GRIK4: variants seen among roughly 807,000 people sequenced by gnomAD.
The protein encoded by GRIK4 is glutamate ionotropic receptor kainate type subunit 4, also known as glutamate receptor ionotropic, kainate 4.
In GRIK4, 40 loss-of-function variants were observed where a neutral mutation model predicts 104.9. The ratio of observed to expected loss-of-function variants is 0.38; its 90% confidence interval spans 0.30 to 0.50. The LOEUF is 0.50. Among genes scored for constraint, GRIK4 ranks in the 20% least tolerant of loss-of-function variants. The pLI, the probability that GRIK4 is intolerant of heterozygous loss-of-function variation, is 0.93. For missense variants in GRIK4, 1,047 were observed against 1,308.1 expected, an observed-to-expected ratio of 0.80 and a Z score of 3.08; for synonymous variants, 485 against 524.9, an observed-to-expected ratio of 0.92 and a Z score of 1.04.
intron 13 of GRIK4, among the ~76,000 whole-genome samples, chr11:120,915,589 T>C (rs1943089403): frequency 6.6e-6 from 1 of 152,098 alleles, no homozygotes; most frequent in Non-Finnish European, 1.5e-5. Context: ...CTACCTGCGC[T>C]CGGTGGAGGG....
At chr11:120,667,690 A>AT (rs757739085) in intron 3 of GRIK4, among the ~76,000 whole-genome samples, 1 of 152,148 alleles carries the variant, frequency 6.6e-6, no homozygotes, top group Non-Finnish European at 1.5e-5. Flanking sequence ...TTGAGCTGAG[A>AT]TATGGTACCT....
At chr11:120,703,369 G>C (rs1392690430) in intron 3 of GRIK4, among the ~76,000 whole-genome samples, 2 of 152,086 alleles carry the variant, frequency 1.3e-5, no homozygotes. Flanking sequence ...AAGGGGGCTG[G>C]ATTGGCTTGA....
intron 3 of GRIK4, among the ~76,000 whole-genome samples, chr11:120,763,195 T>C (rs890669278): frequency 6.6e-6 from 1 of 152,184 alleles, no homozygotes; most frequent in Non-Finnish European, 1.5e-5. Context: ...GTCCAGGAAT[T>C]TATCCATTTT....
At chr11:120,829,876 G>A (rs1953375173) in intron 6 of GRIK4, among the ~76,000 whole-genome samples, 1 of 152,208 alleles carries the variant, frequency 6.6e-6, no homozygotes, top group Non-Finnish European at 1.5e-5. Flanking sequence ...CTGTTGTGGG[G>A]GCCAGTGGTG....
intron 9 of GRIK4, 27 bp from the exon 10 acceptor site, chr11:120,874,039 C>G: frequency 6.3e-7 from 1 of 1,588,414 alleles, no homozygotes; most frequent in Non-Finnish European, 8.6e-7. Context: ...CACTCCCTCC[C>G]TCCGCCTGCT....
At chr11:120,771,266 A>G (rs899097481) in intron 3 of GRIK4, among the ~76,000 whole-genome samples, 10 of 152,224 alleles carry the variant, frequency 6.6e-5, no homozygotes, top group South Asian at 6.2e-4. Context: ...GGCCATCCCA[A>G]TGAAATTTCA....
At chr11:120,797,926 T>G (rs1952550697) in intron 3 of GRIK4, among the ~76,000 whole-genome samples, 3 of 152,190 alleles carry the variant, frequency 2.0e-5, no homozygotes. Context: ...CTCTGTGAGC[T>G]GACTGTATGC....
intron 3 of GRIK4, among the ~76,000 whole-genome samples, chr11:120,747,765 T>C (rs1362200291): frequency 6.6e-6 from 1 of 152,262 alleles, no homozygotes; most frequent in African/African-American, 2.4e-5. Context: ...TGTCAAATAA[T>C]TTTAATCAGA....
intron 6 of GRIK4, among the ~76,000 whole-genome samples, chr11:120,822,789 G>A (rs1953160563): frequency 6.6e-6 from 1 of 152,190 alleles, no homozygotes; most frequent in African/African-American, 2.4e-5. Flanking sequence ...TTTCCTCCTA[G>A]TGGAGGAAGT....
intron 1 of GRIK4, among the ~76,000 whole-genome samples, chr11:120,518,428 GA>G (rs1947756473): frequency 6.6e-6 from 1 of 152,156 alleles, no homozygotes; most frequent in African/African-American, 2.4e-5. Flanking sequence ...AAAGGATGGG[GA>G]TTTGGGAGGC....
intron 8 of GRIK4, 59 bp from the exon 9 acceptor site, chr11:120,861,900 C>T (rs1427015199): frequency 1.5e-6 from 2 of 1,308,212 alleles, no homozygotes; most frequent in Non-Finnish European, 2.2e-6. Context: ...TACCAAAGTC[C>T]ATCCCTCACT....
chr11:120,786,552 C>T (rs564325924), intron 3 of GRIK4, among the ~76,000 whole-genome samples: 20 of 152,198 alleles, frequency 1.3e-4, no homozygotes, highest in Non-Finnish European at 2.4e-4. Context: ...CTGATCACCT[C>T]CTACTCTTAG....
At chr11:120,972,724 T>A (rs1289614056) in intron 19 of GRIK4, among the ~76,000 whole-genome samples, 1 of 152,124 alleles carries the variant, frequency 6.6e-6, no homozygotes, top group Non-Finnish European at 1.5e-5. Context: ...AGATTTTTAC[T>A]TGTGCAGGGG....
chr11:120,573,510 C>T (rs1259461506), intron 1 of GRIK4, among the ~76,000 whole-genome samples: 1 of 152,162 alleles, frequency 6.6e-6, no homozygotes, highest in Non-Finnish European at 1.5e-5. Flanking sequence ...GTCCTTAGCT[C>T]TAGCTTGTGG....
chr11:120,808,595 C>T (rs1565364924), intron 4 of GRIK4, among the ~76,000 whole-genome samples: 1 of 152,218 alleles, frequency 6.6e-6, no homozygotes, highest in African/African-American at 2.4e-5. Context: ...CCCTCACACA[C>T]TTTCTTCCTT....
intron 1 of GRIK4, among the ~76,000 whole-genome samples, chr11:120,596,658 G>A (rs1474543265): frequency 6.6e-6 from 1 of 152,072 alleles, no homozygotes; most frequent in Non-Finnish European, 1.5e-5. Flanking sequence ...CACTGGAGAA[G>A]TAAGGGAGAG....
intron 3 of GRIK4, among the ~76,000 whole-genome samples, chr11:120,677,106 C>T (rs1950109940): frequency 6.6e-6 from 1 of 152,180 alleles, no homozygotes; most frequent in South Asian, 2.1e-4. Flanking sequence ...CATGTTGGCT[C>T]TTCCATTACT....
At chr11:120,854,411 G>A (rs1462360880) in intron 8 of GRIK4, among the ~76,000 whole-genome samples, 1 of 152,236 alleles carries the variant, frequency 6.6e-6, no homozygotes, top group Non-Finnish European at 1.5e-5. Flanking sequence ...CCAAATGGGT[G>A]CAAGCGTTAA....
intron 1 of GRIK4, among the ~76,000 whole-genome samples, chr11:120,525,694 G>A (rs994400366): frequency 2.0e-5 from 3 of 152,206 alleles, no homozygotes; most frequent in African/African-American, 7.2e-5. Context: ...TCTCCTCTGA[G>A]CAATCCAAGG....
Sources: gnomAD v4.1 joint callset for allele counts (sites outside exome capture counted in the v4.1 genomes callset) on GRCh38, gnomAD v4.1.1 for gene constraint, MANE v1.5 for transcripts, NCBI Gene and HGNC (gene_info 2026-07-23, HGNC 2026-07-21) for gene names.